TNFSF10: variants seen among roughly 807,000 people sequenced by gnomAD.
TNFSF10 encodes TNF superfamily member 10.
Under a neutral mutation model 29.5 loss-of-function variants are expected in TNFSF10, and 13 were observed. The ratio of observed to expected loss-of-function variants is 0.44; its 90% CI spans 0.29 to 0.70. TNFSF10 has a LOEUF of 0.70. Ranked by LOEUF, TNFSF10 falls within the 30% of genes least tolerant of loss-of-function variation. The probability of loss-of-function intolerance (pLI) is 0.13; values close to 1 mark genes in which losing one functional copy is unlikely to be tolerated. For missense variants in TNFSF10, 345 were observed against 330.9 expected (o/e 1.04, Z -0.33); for synonymous variants, 111 against 112.8 (o/e 0.98, Z 0.10).
chr3:172,519,295 A>G (rs1458601159), intron 1 of TNFSF10, among the ~76,000 whole-genome samples: 1 of 152,240 alleles, frequency 6.6e-6, no homozygotes, highest in African/African-American at 2.4e-5. Context: ...TAAGCCTTAT[A>G]TGAAATTTCC....
At chr3:172,518,046 C>T (rs1713512756) in intron 1 of TNFSF10, 1 of 995,314 alleles carries the variant, frequency 1.0e-6, no homozygotes, top group African/African-American at 1.7e-5. Flanking sequence ...TGTGGTTATT[C>T]CAAGAATGAT....
chr3:172,506,901 G>A lies in TNFSF10; in HGVS notation c.437C>T (p.Ala146Val), dbSNP rs756829427. The change falls in exon 5 of 5, where the codon GCT becomes GTT. Residue 146 changes from alanine to valine, a missense_variant. Coordinates refer to ENST00000241261, the MANE Select transcript of TNFSF10 (RefSeq NM_003810.4). The part of the protein sequence containing the change: ...LSSPNSKNEK[A>V]LGRKINSWES... Reference sequence around the variant, plus strand: ...CCAGGAGTTTATTTTGCGGCCCAGAGCCTTTTCATTCTTGGAGTCTGTAGG... The same window carrying A: ...CCAGGAGTTTATTTTGCGGCCCAGAACCTTTTCATTCTTGGAGTCTGTAGG... 3 of 1,604,274 alleles carry A rather than the reference G, an allele frequency of 1.9e-6. No homozygotes were observed. Among genetic ancestry groups the A allele is most frequent in the East Asian group, 2.2e-5 (1 of 44,772 alleles).
intron 1 of TNFSF10, among the ~76,000 whole-genome samples, chr3:172,516,242 C>T (rs764055911): frequency 1.5e-3 from 207 of 134,966 alleles, no homozygotes; most frequent in Non-Finnish European, 2.9e-3. Context: ...CTAGCCTGGG[C>T]AACAGAGCGA....
rs192558196 is a variant in TNFSF10 at position 172,517,810 on chromosome 3, G to C, written c.133-2812C>G. On this transcript the variant is annotated intron_variant, in intron 1 of 4. Transcript: ENST00000241261. ...TATAGAAAAATAAAAAGGAAAAAAA[G>C]TACCCATAATCATACCATCTAGAGA... 2,897 of 982,478 alleles carry C rather than the reference G, an allele frequency of 2.9e-3. 6 individuals are homozygous for C. The highest frequency in any genetic ancestry group is 6.3e-3 in the Middle Eastern group (12 of 1,902). 60.9% of individuals were successfully genotyped at this position (982,478 alleles called of 1,614,324 possible). A position where few individuals can be genotyped will look rare whatever the true frequency, so the allele number is the denominator to read the frequency against.
intron 1 of TNFSF10, among the ~76,000 whole-genome samples, chr3:172,515,665 C>T (rs1713398206): frequency 6.6e-6 from 1 of 152,076 alleles, no homozygotes; most frequent in Admixed American, 6.6e-5. Context: ...TGAAGGTTTT[C>T]TCCCTGTTCT....
intron 1 of TNFSF10, 68 bp downstream of exon 1, chr3:172,523,185 T>A: frequency 6.7e-7 from 1 of 1,494,450 alleles, no homozygotes; most frequent in African/African-American, 1.4e-5. Context: ...CAAGCTGACA[T>A]GCAAAGAAGC....
intron 4 of TNFSF10, among the ~76,000 whole-genome samples, chr3:172,508,888 TAA>T (rs10543824): frequency 0.71 from 103,797 of 146,330 alleles, 36,389 homozygotes; most frequent in Middle Eastern, 0.79. Flanking sequence ...AAACTCTGTC[TAA>T]AAAAAAAAAG....
At chr3:172,518,272 G>A in intron 1 of TNFSF10, 5 of 1,165,742 alleles carry the variant, frequency 4.3e-6, no homozygotes, top group Non-Finnish European at 4.3e-6. Context: ...GAAGCCCTTG[G>A]TTCTGAAAAG....
chr3:172,516,336 A>T (rs1375476538), intron 1 of TNFSF10, among the ~76,000 whole-genome samples: 1 of 152,080 alleles, frequency 6.6e-6, no homozygotes, highest in Non-Finnish European at 1.5e-5. Flanking sequence ...TTAATCTGTT[A>T]TTTGAACTAA....
intron 1 of TNFSF10, 127 bp from the exon 2 acceptor site, chr3:172,515,125 G>T: frequency 2.5e-6 from 3 of 1,181,454 alleles, no homozygotes; most frequent in African/African-American, 1.6e-5. Context: ...GTAAGTTCCT[G>T]TTTGAAATAA....
At chr3:172,510,453 T>C (rs907343044) in intron 3 of TNFSF10, among the ~76,000 whole-genome samples, 4 of 152,130 alleles carry the variant, frequency 2.6e-5, no homozygotes, top group African/African-American at 9.7e-5. Context: ...GTTAAGGTCA[T>C]TTCAAGGATA....
intron 1 of TNFSF10, among the ~76,000 whole-genome samples, chr3:172,517,035 G>A (rs1401870352): frequency 1.3e-5 from 2 of 152,206 alleles, no homozygotes; most frequent in Non-Finnish European, 2.9e-5. Context: ...GTAACTTGTT[G>A]GGGCAAGAAG....
At chr3:172,522,846 A>C (rs1346875724) in intron 1 of TNFSF10, among the ~76,000 whole-genome samples, 1 of 152,230 alleles carries the variant, frequency 6.6e-6, no homozygotes, top group Non-Finnish European at 1.5e-5. Flanking sequence ...GGCACCAAAG[A>C]ACCTGTAAAA....
chr3:172,518,460 T>C lies in TNFSF10; in HGVS notation c.133-3462A>G, dbSNP rs1303378329. The C allele has an allele frequency of 2.8e-5, 36 of 1,289,172 alleles. No homozygotes were observed. In the Admixed American group the frequency reaches 8.1e-4, roughly 29 times the overall value. 79.9% of individuals were successfully genotyped at this position (1,289,172 alleles called of 1,614,324 possible). On this transcript the variant is annotated intron_variant, in intron 1 of 4. Transcript: ENST00000241261. ...ACATTAGTCTCTGGCAATCATTTTC[T>C]GCAAACTGCAAATAGCATAAAGGAT...
intron 2 of TNFSF10, among the ~76,000 whole-genome samples, chr3:172,513,811 A>G (rs1032876094): frequency 2.0e-5 from 3 of 150,836 alleles, no homozygotes; most frequent in Non-Finnish European, 4.4e-5. Context: ...TTCTCATCTG[A>G]TATTTTCACA....
At chr3:172,510,170 G>A (rs1282585107) in intron 3 of TNFSF10, among the ~76,000 whole-genome samples, 2 of 152,142 alleles carry the variant, frequency 1.3e-5, no homozygotes, top group African/African-American at 4.8e-5. Context: ...GTCCTCAAGG[G>A]ACTTACAGCC....
chr3:172,511,495 G>A lies in TNFSF10; in HGVS notation c.313+122C>T, dbSNP rs531997204. 2.1e-5 allele frequency: 15 copies of A among 722,706 alleles called. No homozygotes were observed. The East Asian group carries it at 2.1e-4, about 10-fold the overall frequency. The allele number at this position is 722,706 out of a possible 1,614,324, so 44.8% of individuals were successfully genotyped here. ...AGAATCAACAAGTGGCTTGAGATAC[G>A]GAGCAGCAGATCAGAGGATGGATGA... On this transcript the variant is annotated intron_variant, in intron 3 of 4. Transcript: ENST00000241261.
chr3:172,506,531 G>A lies in TNFSF10; in HGVS notation c.807C>T (p.Asp269=), dbSNP rs903747692. The A allele has an allele frequency of 1.2e-6, 2 of 1,613,424 alleles. No homozygotes were observed. Among genetic ancestry groups the A allele is most frequent in the South Asian group, 2.2e-5 (2 of 90,896 alleles). Reference sequence around the variant, plus strand: ...AGGCCCCAAAAAAACTGGCTTCATGGTCCATGTCTATCAAGTGCTCATTTG... The same window carrying A: ...AGGCCCCAAAAAAACTGGCTTCATGATCCATGTCTATCAAGTGCTCATTTG... The part of the protein sequence containing the change: ...SVTNEHLIDM[D]HEASFFGAFL... The change falls in exon 5 of 5, where the codon GAC becomes GAT. Residue 269 remains aspartate, a synonymous_variant. Coordinates refer to ENST00000241261, the MANE Select transcript of TNFSF10 (RefSeq NM_003810.4).
chr3:172,506,867 T>C lies in TNFSF10; in HGVS notation c.471A>G (p.Ser157=), dbSNP rs774954706. The change falls in exon 5 of 5, where the codon TCA becomes TCG. Residue 157 remains serine, a synonymous_variant. Coordinates refer to ENST00000241261, the MANE Select transcript of TNFSF10 (RefSeq NM_003810.4). ...LGRKINSWES[S]RSGHSFLSNL... is the part of the protein sequence containing the mutation. ...TGCTCAGGAATGAATGCCCACTCCTTGATGATTCCCAGGAGTTTATTTTGC... is the reference window on the plus strand; with the variant it reads ...TGCTCAGGAATGAATGCCCACTCCTCGATGATTCCCAGGAGTTTATTTTGC... 4 of 1,613,926 alleles carry C rather than the reference T, an allele frequency of 2.5e-6. No homozygotes were observed. The African/African-American group carries it at 4.0e-5, about 16-fold the overall frequency.
Sources: gnomAD v4.1 joint callset for allele counts (sites outside exome capture counted in the v4.1 genomes callset) on GRCh38, gnomAD v4.1.1 for gene constraint, MANE v1.5 for transcripts, NCBI Gene and HGNC (gene_info 2026-07-23, HGNC 2026-07-21) for gene names.